PKIB: variants seen among roughly 807,000 people sequenced by gnomAD.
PKIB encodes the protein cAMP-dependent protein kinase inhibitor beta.
Under a neutral mutation model 4.5 loss-of-function variants are expected in PKIB, and 2 were observed. The observed-to-expected ratio is 0.44, with a 90% confidence interval of 0.18 to 1.39. The LOEUF (loss-of-function observed/expected upper bound fraction) is 1.39. Ranked by LOEUF, PKIB falls within the 40% of genes most tolerant of loss-of-function variation. The pLI is 0.27. For synonymous variants in PKIB, 38 were observed against 36.0 expected (o/e 1.06, Z -0.20); for missense variants, 94 against 92.6 (o/e 1.02, Z -0.06).
chr6:122,567,391 T>G (rs1773225272), intron 2 of PKIB, among the ~76,000 whole-genome samples: 1 of 152,206 alleles, frequency 6.6e-6, no homozygotes, highest in Non-Finnish European at 1.5e-5. Flanking sequence ...CATAATGCAC[T>G]CTTGATTGGC....
chr6:122,685,865 T>C (rs554193957), intron 3 of PKIB, among the ~76,000 whole-genome samples: 1 of 152,320 alleles, frequency 6.6e-6, no homozygotes, highest in South Asian at 2.1e-4. Flanking sequence ...GTGAATTCAA[T>C]TGTTTTAATT....
intron 2 of PKIB, among the ~76,000 whole-genome samples, chr6:122,518,996 T>C (rs560907917): frequency 5.3e-5 from 8 of 152,284 alleles, no homozygotes; most frequent in Admixed American, 5.2e-4. Flanking sequence ...GAAAATGCTA[T>C]AATACAAGTA....
intron 3 of PKIB, among the ~76,000 whole-genome samples, chr6:122,698,178 T>A (rs1053909885): frequency 3.3e-5 from 5 of 152,134 alleles, no homozygotes; most frequent in Non-Finnish European, 5.9e-5. Context: ...GCAACATCAT[T>A]GGTAAAATGT....
intron 3 of PKIB, among the ~76,000 whole-genome samples, chr6:122,676,822 CT>C (rs1165801239): frequency 3.9e-5 from 6 of 152,252 alleles, no homozygotes; most frequent in African/African-American, 1.4e-4. Flanking sequence ...GCAATATAGG[CT>C]GTTTCATAGC....
intron 1 of PKIB, among the ~76,000 whole-genome samples, chr6:122,475,863 A>G (rs1775440894): frequency 6.6e-6 from 1 of 152,190 alleles, no homozygotes; most frequent in East Asian, 1.9e-4. Flanking sequence ...AAAAATTCCC[A>G]GTGTAACCTA....
intron 2 of PKIB, among the ~76,000 whole-genome samples, chr6:122,499,451 A>C (rs183973073): frequency 5.2e-4 from 79 of 152,322 alleles, no homozygotes; most frequent in African/African-American, 1.6e-3. Context: ...AGAATTAAAA[A>C]CAAAAACCAT....
chr6:122,639,389 A>T (rs1286272460), intron 2 of PKIB, among the ~76,000 whole-genome samples: 2 of 152,324 alleles, frequency 1.3e-5, no homozygotes, highest in East Asian at 3.9e-4. Flanking sequence ...AGTCATTGTC[A>T]ATTAATGTTT....
At chr6:122,539,574 T>C (rs1293902050) in intron 2 of PKIB, among the ~76,000 whole-genome samples, 2 of 152,106 alleles carry the variant, frequency 1.3e-5, no homozygotes, top group African/African-American at 4.8e-5. Flanking sequence ...TGCTGCTGAA[T>C]TCGGTTTGCC....
chr6:122,677,132 A>G (rs762645955), intron 3 of PKIB, among the ~76,000 whole-genome samples: 9 of 152,192 alleles, frequency 5.9e-5, no homozygotes, highest in Non-Finnish European at 1.0e-4. Flanking sequence ...ATTAACAAGT[A>G]TCTTAGGTAA....
At chr6:122,549,891 TACACACACACAC>T (rs757275679) in intron 2 of PKIB, among the ~76,000 whole-genome samples, 1 of 144,164 alleles carries the variant, frequency 6.9e-6, no homozygotes, top group Non-Finnish European at 1.5e-5. Flanking sequence ...ATTTTATATA[TACACACACACAC>T]ACACACATAT....
intron 4 of PKIB, 27 bp from the exon 5 acceptor site, chr6:122,725,101 A>T: frequency 6.6e-7 from 1 of 1,514,184 alleles, no homozygotes; most frequent in Non-Finnish European, 9.1e-7. Context: ...AATATATTCC[A>T]CATATGAATG....
chr6:122,529,798 CT>C (rs1459292452), intron 2 of PKIB, among the ~76,000 whole-genome samples: 7 of 152,130 alleles, frequency 4.6e-5, no homozygotes, highest in Non-Finnish European at 2.9e-5. Flanking sequence ...GAGAAATCCC[CT>C]GATAATCTTA....
intron 1 of PKIB, among the ~76,000 whole-genome samples, chr6:122,614,399 A>G (rs1054438207): frequency 2.6e-5 from 4 of 152,310 alleles, no homozygotes; most frequent in Non-Finnish European, 5.9e-5. Flanking sequence ...ATATGAATGG[A>G]GCTGGATTCC....
intron 2 of PKIB, among the ~76,000 whole-genome samples, chr6:122,638,726 A>G (rs911533357): frequency 6.6e-5 from 10 of 152,174 alleles, no homozygotes; most frequent in African/African-American, 2.4e-4. Flanking sequence ...TTACACAAGG[A>G]CTGGGACTGT....
chr6:122,480,956 A>AAG (rs1249103441), intron 2 of PKIB: 5 of 152,214 alleles, frequency 3.3e-5, no homozygotes, highest in Admixed American at 1.3e-4. Flanking sequence ...ATGTAGAAAT[A>AAG]TCATAAAATG....
At chr6:122,531,311 C>T (rs1337252709) in intron 2 of PKIB, 2 of 152,104 alleles carry the variant, frequency 1.3e-5, no homozygotes, top group African/African-American at 4.8e-5. Flanking sequence ...ATCACTATTG[C>T]TGGATTGTTC....
chr6:122,674,639 G>A (rs1003649845), intron 2 of PKIB, among the ~76,000 whole-genome samples: 27 of 152,122 alleles, frequency 1.8e-4, no homozygotes, highest in African/African-American at 6.5e-4. Context: ...CTTATGGAGG[G>A]TGCAGAAGAT....
At position 122,561,513 on chromosome 6, in the gene PKIB, T is replaced by C. The variant is rs543132502; in HGVS notation, c.-247-24408T>C. ...AAGTTCCATGTGCAATTGAGTAGAATGTGTATTCTGAGGTTGTGTTGCTGT... is the reference window on the plus strand; with the variant it reads ...AAGTTCCATGTGCAATTGAGTAGAACGTGTATTCTGAGGTTGTGTTGCTGT... On this transcript the variant is annotated intron_variant, in intron 2 of 6. Transcript: ENST00000392491. Among the ~76,000 whole-genome samples, 7 of 152,138 alleles carry C rather than the reference T, an allele frequency of 4.6e-5. No homozygotes were observed. In the East Asian group the frequency reaches 1.4e-3, roughly 29 times the overall value.
intron 3 of PKIB, among the ~76,000 whole-genome samples, chr6:122,705,564 C>CTTTTTTTTTTTTTTTTTTTTTT (rs142542177): frequency 8.8e-6 from 1 of 113,438 alleles, no homozygotes; most frequent in Non-Finnish European, 1.7e-5. Flanking sequence ...GAAAGCGCAT[C>CTTTTTTTTTTTTTTTTTTTTTT]TTTTTTTTTT....
Sources: allele counts gnomAD v4.1 joint callset (sites outside exome capture counted in the v4.1 genomes callset), GRCh38; gene constraint gnomAD v4.1.1; transcripts MANE v1.5; gene names NCBI Gene and HGNC (gene_info 2026-07-23, HGNC 2026-07-21).